Variants in TAFA4 observed in about 807,000 individuals in gnomAD.
The protein encoded by TAFA4 is TAFA chemokine like family member 4.
A neutral mutation model predicts 21.1 loss-of-function variants in TAFA4; 20 were observed. The ratio of observed to expected loss-of-function variants is 0.95; its 90% CI spans 0.67 to 1.38. The LOEUF is 1.38. TAFA4 is among the 40% of genes most tolerant of loss of function. The pLI is 0.00. For missense variants in TAFA4, 211 were observed against 180.9 expected (o/e 1.17, Z -0.95); for synonymous variants, 71 against 67.4 (o/e 1.05, Z -0.26).
At chr3:68,794,221 C>T (rs1452840752) in intron 3 of TAFA4, among the ~76,000 whole-genome samples, 3 of 152,174 alleles carry the variant, frequency 2.0e-5, no homozygotes. Flanking sequence ...TAAGGAAAGA[C>T]TACTCCAATT....
At chr3:68,734,864 G>A (rs955488187) in intron 5 of TAFA4, among the ~76,000 whole-genome samples, 9 of 152,072 alleles carry the variant, frequency 5.9e-5, no homozygotes, top group East Asian at 1.9e-4. Context: ...GTCTACATCC[G>A]GGATGTAATT....
chr3:68,863,765 A>C (rs2089381971), intron 3 of TAFA4, among the ~76,000 whole-genome samples: 1 of 152,132 alleles, frequency 6.6e-6, no homozygotes, highest in African/African-American at 2.4e-5. Flanking sequence ...CTTTATTTTA[A>C]TTCACTAATT....
intron 3 of TAFA4, among the ~76,000 whole-genome samples, chr3:68,860,863 G>A (rs1194314230): frequency 2.0e-5 from 3 of 151,924 alleles, no homozygotes; most frequent in Non-Finnish European, 4.4e-5. Context: ...CATCATCATT[G>A]GGCTGTGACC....
At chr3:68,733,265 A>G (rs1575587542) in intron 5 of TAFA4, 112 bp from the exon 6 acceptor site, 1 of 1,361,416 alleles carries the variant, frequency 7.3e-7, no homozygotes, top group East Asian at 2.4e-5. Context: ...CAGTTTGTAC[A>G]TTTACCTATA....
At chr3:68,826,086 T>A (rs1704221744) in intron 3 of TAFA4, among the ~76,000 whole-genome samples, 1 of 152,080 alleles carries the variant, frequency 6.6e-6, no homozygotes. Flanking sequence ...AAATAAAAAT[T>A]AAAAAGCACA....
intron 3 of TAFA4, among the ~76,000 whole-genome samples, chr3:68,757,534 A>T (rs1702680436): frequency 6.6e-6 from 1 of 152,146 alleles, no homozygotes; most frequent in Non-Finnish European, 1.5e-5. Context: ...TGAAAAATAT[A>T]TGTGTCAGCA....
chr3:68,890,189 C>T (rs1316607388), intron 1 of TAFA4, among the ~76,000 whole-genome samples: 1 of 151,948 alleles, frequency 6.6e-6, no homozygotes, highest in Non-Finnish European at 1.5e-5. Flanking sequence ...GACAGAAGAG[C>T]AGGATAGAGG....
intron 3 of TAFA4, among the ~76,000 whole-genome samples, chr3:68,861,871 G>A (rs557190943): frequency 6.6e-6 from 1 of 152,176 alleles, no homozygotes; most frequent in Non-Finnish European, 1.5e-5. Flanking sequence ...ATGGACATGT[G>A]ATTTACTAGA....
At chr3:68,899,029 T>C (rs1392207249) in intron 1 of TAFA4, among the ~76,000 whole-genome samples, 3 of 152,220 alleles carry the variant, frequency 2.0e-5, no homozygotes, top group Admixed American at 2.0e-4. Context: ...ATTTCTCAGG[T>C]TGAGGATGCA....
chr3:68,809,694 AG>A (rs2106841899), intron 3 of TAFA4, among the ~76,000 whole-genome samples: 1 of 145,208 alleles, frequency 6.9e-6, no homozygotes, highest in East Asian at 3.3e-4. Context: ...ATGGTTTCAT[AG>A]TCTTATCTTT....
intron 3 of TAFA4, among the ~76,000 whole-genome samples, chr3:68,800,220 A>G (rs1348639689): frequency 1.3e-5 from 2 of 152,160 alleles, no homozygotes; most frequent in Admixed American, 1.3e-4. Flanking sequence ...TCCATGAAAA[A>G]AATGTCTTTC....
At chr3:68,840,578 C>A (rs1704637632) in intron 3 of TAFA4, among the ~76,000 whole-genome samples, 1 of 152,266 alleles carries the variant, frequency 6.6e-6, no homozygotes, top group South Asian at 2.1e-4. Flanking sequence ...TTAAGAAATA[C>A]AAACACGTGC....
At chr3:68,821,226 TCA>T (rs1491514840) in intron 3 of TAFA4, among the ~76,000 whole-genome samples, 1 of 151,950 alleles carries the variant, frequency 6.6e-6, no homozygotes. Flanking sequence ...CAGTGAGGAC[TCA>T]CAGCTATTAG....
Position 68,739,139 on chromosome 3 carries a change from C to G in TAFA4, c.347G>C (p.Cys116Ser). ...HMNPCLEGED[C>S]KVLPDYSGWS... ...ACCTGAGTAATCTGGCAGCACTTTA[C>G]AATCCTCTCCTTCCAAACACGGATT... The change falls in exon 5 of 6, where the codon TGT (cysteine) becomes TCT (serine). Residue 116 changes from cysteine to serine, a missense_variant. Physicochemically the swap from Cys to Ser is moderately radical, Grantham distance 112. Transcript: ENST00000295569. 1 of 1,614,010 alleles carries G rather than the reference C, an allele frequency of 6.2e-7. No individual in the cohort carries two copies. The highest frequency in any genetic ancestry group is 8.5e-7 in the Non-Finnish European group (1 of 1,179,910).
chr3:68,773,639 A>C (rs1702998615), intron 3 of TAFA4, among the ~76,000 whole-genome samples: 1 of 152,192 alleles, frequency 6.6e-6, no homozygotes, highest in South Asian at 2.1e-4. Flanking sequence ...CCTCAGTAGC[A>C]TATCAAAGAC....
intron 3 of TAFA4, among the ~76,000 whole-genome samples, chr3:68,787,994 T>G (rs1393116343): frequency 3.3e-5 from 5 of 152,200 alleles, no homozygotes; most frequent in Admixed American, 2.0e-4. Context: ...AATTGGAAGA[T>G]TGCAATGCTG....
intron 3 of TAFA4, among the ~76,000 whole-genome samples, chr3:68,873,333 G>GACAGACACACACACACAC (rs1348018956): frequency 2.1e-5 from 1 of 46,922 alleles, no homozygotes; most frequent in African/African-American, 6.4e-5. Context: ...GACACACGCA[G>GACAGACACACACACACAC]ACATACACAC....
intron 3 of TAFA4, among the ~76,000 whole-genome samples, chr3:68,776,484 G>A (rs1177601688): frequency 6.6e-6 from 1 of 152,206 alleles, no homozygotes; most frequent in East Asian, 1.9e-4. Flanking sequence ...GCCTGAAAGT[G>A]TATGCTGTAA....
chr3:68,928,863 T>G (rs796941017), intron 1 of TAFA4, among the ~76,000 whole-genome samples: 1 of 151,988 alleles, frequency 6.6e-6, no homozygotes. Context: ...AATAACATAA[T>G]AGATCCAAGG....
Sources: gnomAD v4.1 joint callset for allele counts (sites outside exome capture counted in the v4.1 genomes callset) on GRCh38, gnomAD v4.1.1 for gene constraint, MANE v1.5 for transcripts, NCBI Gene and HGNC (gene_info 2026-07-23, HGNC 2026-07-21) for gene names.